Variants in ZSWIM4 observed in about 807,000 individuals in gnomAD.
The protein encoded by ZSWIM4 is zinc finger SWIM domain-containing protein 4.
A neutral mutation model predicts 102.5 loss-of-function variants in ZSWIM4; 62 were observed. The observed-to-expected ratio is 0.60, with a 90% CI of 0.49 to 0.75. The LOEUF (loss-of-function observed/expected upper bound fraction) is 0.75. Among genes scored for constraint, ZSWIM4 ranks in the 30% least tolerant of loss-of-function variants. The probability of loss-of-function intolerance (pLI) is 0.00; values close to 1 mark genes in which losing one functional copy is unlikely to be tolerated. For missense variants in ZSWIM4, 1,280 were observed against 1,529.6 expected, an observed-to-expected ratio of 0.84 and a Z score of 2.72; for synonymous variants, 652 against 674.5, an observed-to-expected ratio of 0.97 and a Z score of 0.52.
chr19:13,831,093 G>A lies in ZSWIM4; in HGVS notation c.*43G>A. The stretch of plus-strand genomic sequence containing the variant: ...GGGAGTGGGGATCCCCCTCGCCCCT[G>A]CGTCCCCCACCCTTGCTCTCCAATT... On this transcript the variant is annotated 3_prime_UTR_variant, in exon 14 of 14. Transcript: ENST00000590508. 6.6e-7 allele frequency: 1 copy of A among 1,518,730 alleles called. No homozygotes were observed. The highest frequency in any genetic ancestry group is 8.8e-7 in the Non-Finnish European group (1 of 1,140,052). 94.1% of individuals were successfully genotyped at this position (1,518,730 alleles called of 1,614,324 possible).
intron 13 of ZSWIM4, 113 bp from the exon 14 acceptor site, chr19:13,830,078 C>G: frequency 7.4e-7 from 1 of 1,344,474 alleles, no homozygotes; most frequent in Non-Finnish European, 1.0e-6. Flanking sequence ...AGTTTCTGTT[C>G]AGCATGGTGT....
intron 5 of ZSWIM4, among the ~76,000 whole-genome samples, chr19:13,810,375 C>T (rs1261944661): frequency 6.6e-6 from 1 of 152,022 alleles, no homozygotes; most frequent in Non-Finnish European, 1.5e-5. Context: ...TCACTGCAAC[C>T]TCCACCTCCT....
intron 5 of ZSWIM4, among the ~76,000 whole-genome samples, chr19:13,810,622 T>C (rs1052168463): frequency 1.3e-5 from 2 of 150,746 alleles, no homozygotes; most frequent in African/African-American, 4.9e-5. Flanking sequence ...TTTTTCTTTT[T>C]TTTTTGAGAC....
At chr19:13,821,512 G>A (rs776752581) in intron 10 of ZSWIM4, among the ~76,000 whole-genome samples, 2 of 151,862 alleles carry the variant, frequency 1.3e-5, no homozygotes, top group Non-Finnish European at 2.9e-5. Context: ...GCCACTGCAC[G>A]CCAGCCTGGG....
At position 13,828,499 on chromosome 19, in the gene ZSWIM4, G is replaced by A. The variant is rs1036335079; in HGVS notation, c.2380-146G>A. On this transcript the variant is annotated intron_variant, in intron 12 of 13. Coordinates refer to ENST00000590508, the MANE Select transcript of ZSWIM4 (RefSeq NM_001367834.3). ...TTATCTCCATTTTCTAGGTAATTGA[G>A]GCCCAGAAAGTTGAGATCACTTACC... The A allele has an allele frequency of 3.2e-4, 188 of 595,928 alleles. 1 individual carries two copies. The highest frequency in any genetic ancestry group is 8.3e-5 in the Non-Finnish European group (27 of 327,004). The allele number at this position is 595,928 out of a possible 1,614,324, so 36.9% of individuals were successfully genotyped here.
rs1975762645 is a variant in ZSWIM4 at position 13,831,334 on chromosome 19, A to G, written c.*284A>G. The G allele has an allele frequency of 7.8e-6, 3 of 384,780 alleles. No homozygotes were observed. The East Asian group carries it at 1.4e-4, about 18-fold the overall frequency. 23.8% of individuals were successfully genotyped at this position (384,780 alleles called of 1,614,324 possible). A position where few individuals can be genotyped will look rare whatever the true frequency, so the allele number is the denominator to read the frequency against. On this transcript the variant is annotated 3_prime_UTR_variant, in exon 14 of 14. Transcript: ENST00000590508. ...CCACTTTGGGCACCCCAAAAGCAAT[A>G]GGCAAACTCCCCTTACCCAGACTGG... is the stretch of plus-strand genomic sequence containing the variant.
At chr19:13,807,995 T>C (rs1974964810) in intron 3 of ZSWIM4, among the ~76,000 whole-genome samples, 2 of 152,100 alleles carry the variant, frequency 1.3e-5, no homozygotes, top group South Asian at 4.1e-4. Context: ...CTTACAATCA[T>C]GGCGGAAGGT....
intron 5 of ZSWIM4, among the ~76,000 whole-genome samples, chr19:13,812,708 G>A (rs1010479882): frequency 1.1e-4 from 16 of 150,594 alleles, no homozygotes; most frequent in Admixed American, 6.6e-4. Flanking sequence ...GACCTCAGGT[G>A]ATCCGCCTGC....
At chr19:13,807,758 G>T (rs1275119235) in intron 3 of ZSWIM4, among the ~76,000 whole-genome samples, 1 of 70,054 alleles carries the variant, frequency 1.4e-5, no homozygotes, top group East Asian at 3.3e-4. Flanking sequence ...TGGATGCATG[G>T]ATGGATGGAT....
At chr19:13,811,671 A>AT (rs1358654385) in intron 5 of ZSWIM4, among the ~76,000 whole-genome samples, 1 of 152,102 alleles carries the variant, frequency 6.6e-6, no homozygotes, top group African/African-American at 2.4e-5. Flanking sequence ...CTGTCTCTAA[A>AT]TTTTTTAAAA....
chr19:13,823,426 C>A lies in ZSWIM4; in HGVS notation c.2141C>A (p.Pro714His). ...PLDSIMSNRF[P>H]RWFILGHLET... ...GACTCCATCATGAGCAACCGCTTCC[C>A]CCGCTGGTTCATCCTTGGCCACCTG... The change falls in exon 11 of 14, where the codon CCC (proline) becomes CAC (histidine). Residue 714 changes from proline to histidine, a missense_variant. Transcript: ENST00000590508. 1 of 1,606,502 alleles carries A rather than the reference C, an allele frequency of 6.2e-7. No individual in the cohort carries two copies.
chr19:13,826,532 C>G (rs938575073), intron 12 of ZSWIM4, among the ~76,000 whole-genome samples: 1 of 151,836 alleles, frequency 6.6e-6, no homozygotes, highest in African/African-American at 2.4e-5. Flanking sequence ...TTTGGGAGGC[C>G]GAGGGGGGCA....
chr19:13,804,889 G>T lies in ZSWIM4; in HGVS notation c.453G>T (p.Thr151=), dbSNP rs201093465. The T allele has an allele frequency of 6.2e-7, 1 of 1,613,578 alleles. No individual in the cohort carries two copies. Among genetic ancestry groups the T allele is most frequent in the Non-Finnish European group, 8.5e-7 (1 of 1,180,004 alleles). The change falls in exon 3 of 14, where the codon ACG becomes ACT. Residue 151 remains threonine (T), a synonymous_variant. Coordinates refer to ENST00000590508, the MANE Select transcript of ZSWIM4 (RefSeq NM_001367834.3). ...TCAGCTTTGATCGCTGCAAGATCAC[G>T]TCCGTGAGCTGCGGCTGTGACAACC... is the stretch of plus-strand genomic sequence containing the variant. ...VSISFDRCKI[T]SVSCGCDNRD... is the part of the protein sequence containing the mutation.
chr19:13,813,316 C>A (rs766238407), intron 6 of ZSWIM4, 152 bp downstream of exon 6: 5 of 698,066 alleles, frequency 7.2e-6, no homozygotes, highest in Non-Finnish European at 1.2e-5. Flanking sequence ...GGACTAATCC[C>A]AACTTGTCTA....
chr19:13,800,941 A>G (rs1386680947), intron 2 of ZSWIM4, among the ~76,000 whole-genome samples: 2 of 152,178 alleles, frequency 1.3e-5, no homozygotes, highest in Non-Finnish European at 2.9e-5. Context: ...CAAGAGTTCA[A>G]GACCAGCCTG....
intron 1 of ZSWIM4, among the ~76,000 whole-genome samples, chr19:13,798,445 A>T (rs1428795767): frequency 2.6e-5 from 4 of 151,934 alleles, no homozygotes; most frequent in African/African-American, 9.7e-5. Flanking sequence ...CAAGATGGGC[A>T]CCTTAATCAT....
intron 5 of ZSWIM4, among the ~76,000 whole-genome samples, 198 bp from the exon 6 acceptor site, chr19:13,812,799 G>T (rs1323438372): frequency 2.6e-5 from 4 of 151,980 alleles, no homozygotes; most frequent in Non-Finnish European, 2.9e-5. Flanking sequence ...CTTACCAGCG[G>T]TGTGACCCTG....
chr19:13,817,718 C>G lies in ZSWIM4; in HGVS notation c.1670-4C>G. 1 of 1,607,962 alleles carries G rather than the reference C, an allele frequency of 6.2e-7. No homozygotes were observed. Among genetic ancestry groups the G allele is most frequent in the Non-Finnish European group, 8.5e-7 (1 of 1,178,022 alleles). On this transcript the variant is annotated splice_polypyrimidine_tract_variant and splice_region_variant and intron_variant, in intron 8 of 13. Coordinates refer to ENST00000590508, the MANE Select transcript of ZSWIM4 (RefSeq NM_001367834.3). ...TCCAGCAGCCCTGGCCCTGTCTCCCCCAGACTCAGGCCCCGAGAAGCGGAA... is the reference window on the plus strand; with the variant it reads ...TCCAGCAGCCCTGGCCCTGTCTCCCGCAGACTCAGGCCCCGAGAAGCGGAA...
In ZSWIM4 at chr19:13,819,631, G is replaced by A. The variant is rs981464608; in HGVS notation, c.2060+139G>A. 94 of 747,650 alleles carry A rather than the reference G, an allele frequency of 1.3e-4. No individual in the cohort carries two copies. In the African/African-American group the frequency reaches 1.6e-3, roughly 12 times the overall value. 46.3% of individuals were successfully genotyped at this position (747,650 alleles called of 1,614,324 possible). The stretch of plus-strand genomic sequence containing the variant: ...AGTCTCTCTCACCCTGGCATTTGAT[G>A]ATGCCATGTGCTTTTCATTATTATT... On this transcript the variant is annotated intron_variant, in intron 10 of 13. Coordinates refer to ENST00000590508, the MANE Select transcript of ZSWIM4 (RefSeq NM_001367834.3).
Sources: allele counts gnomAD v4.1 joint callset (sites outside exome capture counted in the v4.1 genomes callset), GRCh38; gene constraint gnomAD v4.1.1; transcripts MANE v1.5; gene names NCBI Gene and HGNC (gene_info 2026-07-23, HGNC 2026-07-21).